The following RGS7 variants were observed in gnomAD, a reference collection of about 807,000 sequenced individuals.
RGS7 encodes regulator of G-protein signaling 7.
Under a neutral mutation model 81.1 loss-of-function variants are expected in RGS7, and 27 were observed. The ratio of observed to expected loss-of-function variants is 0.33; its 90% CI spans 0.25 to 0.46. The LOEUF (loss-of-function observed/expected upper bound fraction) is 0.46. RGS7 is among the 20% of genes least tolerant of loss of function. The pLI, the probability that RGS7 is intolerant of heterozygous loss-of-function variation, is 1.00. For synonymous variants in RGS7, 208 were observed against 207.7 expected (o/e 1.00, Z -0.01); for missense variants, 396 against 607.4 (o/e 0.65, Z 3.66).
chr1:241,136,514 C>T (rs1253515815), intron 2 of RGS7, among the ~76,000 whole-genome samples: 1 of 152,118 alleles, frequency 6.6e-6, no homozygotes, highest in Non-Finnish European at 1.5e-5. Flanking sequence ...TGTGTGGCCA[C>T]AGCACAGTCC....
At chr1:240,828,932 G>A (rs561459572) in intron 9 of RGS7, among the ~76,000 whole-genome samples, 9 of 152,278 alleles carry the variant, frequency 5.9e-5, no homozygotes, top group Admixed American at 2.6e-4. Flanking sequence ...AAAGTCTTCC[G>A]TGGAGTTGGG....
rs538600311 is a variant in RGS7 at position 241,240,450 on chromosome 1, C to T, written c.78+115249G>A. On this transcript the variant is annotated intron_variant, in intron 2 of 18. Transcript: ENST00000440928. ...CCTTTAAAAATGGCCACAAATATTA[C>T]ACTTATAAATATGTATGTGTGTGGG... Among the ~76,000 whole-genome samples, 19 of 152,266 alleles carry T rather than the reference C, an allele frequency of 1.2e-4. 1 individual carries two copies. In the East Asian group the frequency reaches 3.1e-3, roughly 25 times the overall value.
chr1:241,027,820 A>G (rs955572003), intron 3 of RGS7, among the ~76,000 whole-genome samples: 2 of 152,244 alleles, frequency 1.3e-5, no homozygotes, highest in Non-Finnish European at 2.9e-5. Context: ...AACACATATT[A>G]GATAACCAAG....
At chr1:240,905,382 C>A (rs1670656029) in intron 6 of RGS7, among the ~76,000 whole-genome samples, 1 of 152,078 alleles carries the variant, frequency 6.6e-6, no homozygotes, top group African/African-American at 2.4e-5. Context: ...ATAGAAGAAC[C>A]AGAAAGAAGC....
At chr1:241,220,982 GAAGGAAGGAAGGAAGAGAGAGAGA>G (rs1380346646) in intron 2 of RGS7, among the ~76,000 whole-genome samples, 8 of 47,384 alleles carry the variant, frequency 1.7e-4, no homozygotes, top group African/African-American at 4.3e-4. Context: ...AGGAAGGAAG[GAAGGAAGGAAGGAAGAGAGAGAGA>G]AAGGAAGGAA....
chr1:241,147,844 A>G (rs1572889721), intron 2 of RGS7, among the ~76,000 whole-genome samples: 1 of 126,716 alleles, frequency 7.9e-6, no homozygotes, highest in East Asian at 2.4e-4. Flanking sequence ...AATATCATAT[A>G]GGTCTCAAAA....
At chr1:241,280,620 C>T (rs1333760875) in intron 2 of RGS7, among the ~76,000 whole-genome samples, 4 of 152,222 alleles carry the variant, frequency 2.6e-5, no homozygotes, top group Admixed American at 2.6e-4. Context: ...GCCTCAGCCT[C>T]CTGAGTAGCT....
intron 2 of RGS7, among the ~76,000 whole-genome samples, chr1:241,220,459 T>C (rs1282389556): frequency 6.6e-6 from 1 of 152,208 alleles, no homozygotes; most frequent in Non-Finnish European, 1.5e-5. Flanking sequence ...GAGCCAGCGT[T>C]AAGAACTTTT....
intron 2 of RGS7, among the ~76,000 whole-genome samples, chr1:241,153,102 T>G (rs1448037395): frequency 6.6e-6 from 1 of 152,152 alleles, no homozygotes; most frequent in Non-Finnish European, 1.5e-5. Flanking sequence ...TCACTAAGAG[T>G]AAACATTGAC....
chr1:240,966,216 C>A (rs1287989653), intron 4 of RGS7, among the ~76,000 whole-genome samples: 29 of 152,054 alleles, frequency 1.9e-4, no homozygotes. Context: ...AGTAAATGAT[C>A]CGACCTTGAA....
At chr1:241,297,268 A>C (rs2079484070) in intron 2 of RGS7, among the ~76,000 whole-genome samples, 2 of 152,234 alleles carry the variant, frequency 1.3e-5, no homozygotes. Context: ...GAAAACATAC[A>C]TTATAAGAAT....
chr1:240,933,223 C>T (rs1676002538), intron 5 of RGS7, among the ~76,000 whole-genome samples: 1 of 151,604 alleles, frequency 6.6e-6, no homozygotes. Context: ...TGCATTGTTC[C>T]CTCTGGGTAG....
At chr1:241,334,169 G>T (rs781493156) in intron 2 of RGS7, among the ~76,000 whole-genome samples, 3 of 152,062 alleles carry the variant, frequency 2.0e-5, no homozygotes, top group Non-Finnish European at 4.4e-5. Context: ...AACAGATAAT[G>T]GACAAGAAGA....
At chr1:241,165,308 C>G (rs2070103198) in intron 2 of RGS7, among the ~76,000 whole-genome samples, 1 of 152,150 alleles carries the variant, frequency 6.6e-6, no homozygotes, top group Admixed American at 6.5e-5. Context: ...GGGTCGAGCA[C>G]ACAATATTTA....
chr1:241,259,817 G>A (rs1020276661), intron 2 of RGS7, among the ~76,000 whole-genome samples: 4 of 151,516 alleles, frequency 2.6e-5, no homozygotes, highest in African/African-American at 4.9e-5. Context: ...CTCATGACAT[G>A]TTCCAGCCTC....
intron 2 of RGS7, among the ~76,000 whole-genome samples, chr1:241,103,971 T>C (rs919729942): frequency 6.6e-6 from 1 of 152,248 alleles, no homozygotes; most frequent in Non-Finnish European, 1.5e-5. Flanking sequence ...ACGTAGTTAT[T>C]AAAAGCATGC....
chr1:241,056,641 G>C (rs941667418), intron 3 of RGS7, among the ~76,000 whole-genome samples: 2 of 152,134 alleles, frequency 1.3e-5, no homozygotes, highest in African/African-American at 4.8e-5. Context: ...TCAGGGCCCC[G>C]TGTAGAAAAG....
At chr1:241,200,963 C>G (rs1358045586) in intron 2 of RGS7, among the ~76,000 whole-genome samples, 1 of 152,180 alleles carries the variant, frequency 6.6e-6, no homozygotes, top group East Asian at 1.9e-4. Context: ...CAACTACCTG[C>G]TGATATCTTC....
intron 2 of RGS7, among the ~76,000 whole-genome samples, chr1:241,309,918 T>C (rs367583045): frequency 1.3e-5 from 2 of 152,220 alleles, no homozygotes; most frequent in African/African-American, 4.8e-5. Flanking sequence ...GTGCCCAGAT[T>C]CCTTTTAATT....
Sources: allele counts gnomAD v4.1 joint callset (sites outside exome capture counted in the v4.1 genomes callset), GRCh38; gene constraint gnomAD v4.1.1; transcripts MANE v1.5; gene names NCBI Gene and HGNC (gene_info 2026-07-23, HGNC 2026-07-21).